PAX3: variants seen among roughly 807,000 people sequenced by gnomAD.
The protein encoded by PAX3 is paired box 3.
A neutral mutation model predicts 51.6 loss-of-function variants in PAX3; 14 were observed. That is an observed-to-expected ratio of 0.27 (90% CI 0.18 to 0.42). The LOEUF (loss-of-function observed/expected upper bound fraction) is 0.42. Ranked by LOEUF, PAX3 falls within the 10% of genes least tolerant of loss-of-function variation. The pLI is 1.00. For missense variants in PAX3, 540 were observed against 642.8 expected (o/e 0.84, Z 1.73); for synonymous variants, 280 against 253.4 (o/e 1.11, Z -1.00).
intron 4 of PAX3, among the ~76,000 whole-genome samples, chr2:222,269,185 C>T (rs1027330333): frequency 1.3e-5 from 2 of 152,192 alleles, no homozygotes; most frequent in African/African-American, 4.8e-5. Flanking sequence ...CGAACAAATA[C>T]GGACTGTTTC....
chr2:222,281,935 A>G (rs1290238981), intron 4 of PAX3, among the ~76,000 whole-genome samples: 4 of 152,336 alleles, frequency 2.6e-5, no homozygotes, highest in Non-Finnish European at 5.9e-5. Context: ...AGCACAAACG[A>G]AAGTTCTAGA....
rs1266309070 is a variant in PAX3 at position 222,220,259 on chromosome 2, A to T, written c.1054T>A (p.Ser352Thr). 2.5e-6 allele frequency: 4 copies of T among 1,613,920 alleles called. No homozygotes were observed. The highest frequency in any genetic ancestry group is 1.3e-5 in the African/African-American group (1 of 74,926). Residue 352 changes from serine to threonine, a missense_variant, in exon 7 of 9, where the codon TCT (serine) becomes ACT (threonine). Transcript: ENST00000392070. ...STIPSNPDSS[S>T]AYCLPSTRHG... ...CTGGTGCTGGGGAGGCAGTAGGCAGAGCTGCTGTCTGGGTTGGAAGGAATC... is the reference window on the plus strand; with the variant it reads ...CTGGTGCTGGGGAGGCAGTAGGCAGTGCTGCTGTCTGGGTTGGAAGGAATC...
intron 4 of PAX3, among the ~76,000 whole-genome samples, chr2:222,249,660 T>C (rs148022110): frequency 6.6e-6 from 1 of 152,314 alleles, no homozygotes; most frequent in African/African-American, 2.4e-5. Context: ...ACGTGACACA[T>C]TGTAAGGGCC....
At chr2:222,238,221 C>T (rs1295599397) in intron 4 of PAX3, among the ~76,000 whole-genome samples, 3 of 152,196 alleles carry the variant, frequency 2.0e-5, no homozygotes, top group African/African-American at 4.8e-5. Flanking sequence ...CACCAGCGGG[C>T]TAACCATGAA....
intron 7 of PAX3, among the ~76,000 whole-genome samples, chr2:222,210,238 T>C (rs1025375262): frequency 2.0e-5 from 3 of 152,168 alleles, no homozygotes; most frequent in Admixed American, 6.5e-5. Context: ...ATCTTTGTAA[T>C]CTAGTGATTT....
At chr2:222,261,028 GCA>G (rs1218490691) in intron 4 of PAX3, among the ~76,000 whole-genome samples, 1 of 152,204 alleles carries the variant, frequency 6.6e-6, no homozygotes, top group African/African-American at 2.4e-5. Flanking sequence ...TGCAGTGAGT[GCA>G]GTCTCAATGG....
At chr2:222,280,430 G>GA (rs879830361) in intron 4 of PAX3, among the ~76,000 whole-genome samples, 25,717 of 149,748 alleles carry the variant, frequency 0.17, 2,430 homozygotes, top group Middle Eastern at 0.24. Context: ...AGAAAGAAAG[G>GA]AAGGAAGGAA....
At position 222,295,690 on chromosome 2, in the gene PAX3, C is replaced by T. The variant is rs201908618; in HGVS notation, c.322-33G>A. On this transcript the variant is annotated intron_variant, in intron 2 of 8. Coordinates refer to ENST00000392070, the MANE Select transcript of PAX3 (RefSeq NM_181458.4). ...AGAACAGGCGGGCAGGCGTTGGTAC[C>T]CGGTACCCTGGGCCAGGTGGCGGCG... 1.9e-5 allele frequency: 30 copies of T among 1,613,438 alleles called. No individual in the cohort carries two copies. The African/African-American group carries it at 3.2e-4, about 17-fold the overall frequency.
intron 5 of PAX3, among the ~76,000 whole-genome samples, chr2:222,229,406 A>G (rs1692502764): frequency 6.6e-6 from 1 of 152,118 alleles, no homozygotes; most frequent in South Asian, 2.1e-4. Context: ...CTGTTTCCCA[A>G]TGATAATAGG....
chr2:222,250,425 A>G (rs1454368105), intron 4 of PAX3, among the ~76,000 whole-genome samples: 1 of 152,176 alleles, frequency 6.6e-6, no homozygotes, highest in Non-Finnish European at 1.5e-5. Context: ...CCAAACTTGA[A>G]AAAAATCAAA....
chr2:222,257,699 TAA>T (rs1193177290), intron 4 of PAX3, among the ~76,000 whole-genome samples: 1 of 152,072 alleles, frequency 6.6e-6, no homozygotes, highest in Non-Finnish European at 1.5e-5. Context: ...AATAAAACAA[TAA>T]AGAGTGATAA....
intron 4 of PAX3, among the ~76,000 whole-genome samples, chr2:222,235,812 T>C (rs1574667508): frequency 6.6e-6 from 1 of 152,304 alleles, no homozygotes; most frequent in East Asian, 1.9e-4. Context: ...AAGAGTTCAA[T>C]AGGACAGCCG....
intron 7 of PAX3, among the ~76,000 whole-genome samples, chr2:222,203,011 T>TTATA (rs1454502969): frequency 4.9e-5 from 2 of 40,888 alleles, no homozygotes; most frequent in Admixed American, 4.2e-4. Flanking sequence ...AACAACCATT[T>TTATA]CATATATATA....
Position 222,265,646 on chromosome 2 carries a change from AGAAGGAAGGAAGGAAG to A in PAX3, c.586+28505_586+28520del, listed in dbSNP as rs71053065. On this transcript the variant is annotated intron_variant, in intron 4 of 8. Transcript: ENST00000392070. ...ACAGAGTGAGACTCCATCAAAAAAA[AGAAGGAAGGAAGGAAG>A]GAAGGAAGGAAGGAAGGAAGGAAGG... Among the ~76,000 whole-genome samples, 8 of 109,246 alleles carry A rather than the reference AGAAGGAAGGAAGGAAG, an allele frequency of 7.3e-5. No individual in the cohort carries two copies. The East Asian group carries it at 8.9e-4, about 12-fold the overall frequency. The allele number at this position is 109,246 out of a possible 152,430, so 71.7% of individuals were successfully genotyped here.
intron 4 of PAX3, among the ~76,000 whole-genome samples, chr2:222,235,406 C>T (rs1039431528): frequency 2.6e-5 from 4 of 152,256 alleles, no homozygotes; most frequent in Non-Finnish European, 4.4e-5. Flanking sequence ...TGTTTTACAT[C>T]TTTATTCTTA....
At chr2:222,211,546 G>T (rs1261660218) in intron 7 of PAX3, among the ~76,000 whole-genome samples, 1 of 151,956 alleles carries the variant, frequency 6.6e-6, no homozygotes, top group Non-Finnish European at 1.5e-5. Flanking sequence ...TACACAAAGG[G>T]CTGACACTGT....
At chr2:222,290,322 G>A (rs1694983476) in intron 4 of PAX3, among the ~76,000 whole-genome samples, 1 of 152,200 alleles carries the variant, frequency 6.6e-6, no homozygotes, top group South Asian at 2.1e-4. Context: ...GGAAACTTGA[G>A]CAAAGCTTTC....
chr2:222,298,705 G>A lies in PAX3; in HGVS notation c.-90C>T, dbSNP rs1400956037. 7.2e-6 allele frequency: 9 copies of A among 1,250,756 alleles called. No homozygotes were observed. Among genetic ancestry groups the A allele is most frequent in the Non-Finnish European group, 1.0e-5 (9 of 877,584 alleles). 77.5% of individuals were successfully genotyped at this position (1,250,756 alleles called of 1,614,324 possible). A position where few individuals can be genotyped will look rare whatever the true frequency, so the allele number is the denominator to read the frequency against. On this transcript the variant is annotated 5_prime_UTR_variant, in exon 1 of 9. Coordinates refer to ENST00000392070, the MANE Select transcript of PAX3 (RefSeq NM_181458.4). ...GCGGATGACCCTCGGGAACTATCCG[G>A]AGCGTGGAGAGCCCCTCCCCAAAAC...
chr2:222,289,564 G>A (rs554733348), intron 4 of PAX3, among the ~76,000 whole-genome samples: 1 of 152,254 alleles, frequency 6.6e-6, no homozygotes, highest in South Asian at 2.1e-4. Flanking sequence ...CTACGTCCTG[G>A]TTCCGGTGCT....
Sources: gnomAD v4.1 joint callset for allele counts (sites outside exome capture counted in the v4.1 genomes callset) on GRCh38, gnomAD v4.1.1 for gene constraint, MANE v1.5 for transcripts, NCBI Gene and HGNC (gene_info 2026-07-23, HGNC 2026-07-21) for gene names.